Variants in DLGAP1 observed in about 807,000 individuals in gnomAD.
The protein encoded by DLGAP1 is disks large-associated protein 1.
Under a neutral mutation model 90.8 loss-of-function variants are expected in DLGAP1, and 11 were observed. That is an observed-to-expected ratio of 0.12 (90% CI 0.08 to 0.20). The LOEUF (loss-of-function observed/expected upper bound fraction) is 0.20, where lower values mean the gene tolerates loss of function less well. DLGAP1 is among the 10% of genes least tolerant of loss of function. DLGAP1 has a pLI of 1.00. For synonymous variants in DLGAP1, 558 were observed against 540.7 expected, an observed-to-expected ratio of 1.03 and a Z score of -0.44; for missense variants, 1,050 against 1,333.8, an observed-to-expected ratio of 0.79 and a Z score of 3.31.
chr18:3,621,926 A>C (rs2058107737), intron 7 of DLGAP1, among the ~76,000 whole-genome samples: 1 of 152,060 alleles, frequency 6.6e-6, no homozygotes, highest in Admixed American at 6.6e-5. Context: ...TGATTACACC[A>C]CTGCACTCCA....
At chr18:3,587,025 T>C (rs1202541615) in intron 7 of DLGAP1, among the ~76,000 whole-genome samples, 3 of 152,206 alleles carry the variant, frequency 2.0e-5, no homozygotes, top group South Asian at 4.1e-4. Context: ...GCAGTTTCTA[T>C]ACAGTAAGTG....
In DLGAP1 at chr18:3,946,027, A is replaced by G. The variant is rs2072871581; in HGVS notation, c.-73+59089T>C. Among the ~76,000 whole-genome samples the G allele has an allele frequency of 2.6e-5, 4 of 152,146 alleles. No homozygotes were observed. In the South Asian group the frequency reaches 8.3e-4, roughly 32 times the overall value. On this transcript the variant is annotated intron_variant, in intron 3 of 12. Transcript: ENST00000315677. ...GCTTGAATTTTAATAATGCTTAATA[A>G]GTGGTTTTTGATTTTGGTAGAAAGC...
intron 12 of DLGAP1, among the ~76,000 whole-genome samples, chr18:3,500,372 G>A (rs940832232): frequency 2.0e-5 from 3 of 152,134 alleles, no homozygotes; most frequent in African/African-American, 7.2e-5. Context: ...TAAAACTGAT[G>A]TTTTCATTTT....
intron 1 of DLGAP1, among the ~76,000 whole-genome samples, chr18:4,428,945 T>G (rs1429906532): frequency 6.6e-6 from 1 of 152,148 alleles, no homozygotes; most frequent in African/African-American, 2.4e-5. Flanking sequence ...CAATCTATAA[T>G]GTAAGCCGGG....
chr18:3,819,603 CTTATGATCCTT>C (rs1221151029), intron 4 of DLGAP1, among the ~76,000 whole-genome samples: 1 of 152,088 alleles, frequency 6.6e-6, no homozygotes, highest in Admixed American at 6.6e-5. Flanking sequence ...CACATAATGT[CTTATGATCCTT>C]ACAACTATCA....
chr18:3,707,556 CGCCACTGCACTCCA>C (rs1377601497), intron 7 of DLGAP1, among the ~76,000 whole-genome samples: 2 of 151,298 alleles, frequency 1.3e-5, no homozygotes, highest in Non-Finnish European at 2.9e-5. Context: ...GCCGAGATCA[CGCCACTGCACTCCA>C]GCCTGGGTGA....
chr18:4,029,633 T>G (rs2074760454), intron 2 of DLGAP1, among the ~76,000 whole-genome samples: 1 of 152,202 alleles, frequency 6.6e-6, no homozygotes, highest in Non-Finnish European at 1.5e-5. Flanking sequence ...CCCACACAGG[T>G]GGATATACCA....
chr18:3,790,026 CA>C (rs2065651791), intron 5 of DLGAP1, among the ~76,000 whole-genome samples: 3 of 152,128 alleles, frequency 2.0e-5, no homozygotes, highest in Admixed American at 2.0e-4. Flanking sequence ...TCATGGCTTT[CA>C]AATATCAACT....
chr18:3,910,987 C>T (rs575326778), intron 3 of DLGAP1, among the ~76,000 whole-genome samples: 4 of 152,090 alleles, frequency 2.6e-5, no homozygotes, highest in Non-Finnish European at 5.9e-5. Flanking sequence ...TTTTGGCCCA[C>T]GAACTGCTGG....
chr18:4,144,313 TAGGAC>T (rs2076545489), intron 2 of DLGAP1, among the ~76,000 whole-genome samples: 3 of 152,174 alleles, frequency 2.0e-5, no homozygotes, highest in Admixed American at 2.0e-4. Context: ...CCCCTCTGGC[TAGGAC>T]TAGTCTAAGT....
At chr18:3,812,299 A>C (rs2066883478) in intron 5 of DLGAP1, among the ~76,000 whole-genome samples, 1 of 151,996 alleles carries the variant, frequency 6.6e-6, no homozygotes, top group Non-Finnish European at 1.5e-5. Context: ...CAGTTCTTCT[A>C]ATTTAATTTT....
At chr18:3,890,793 A>G (rs1367083181) in intron 3 of DLGAP1, among the ~76,000 whole-genome samples, 1 of 152,164 alleles carries the variant, frequency 6.6e-6, no homozygotes, top group Non-Finnish European at 1.5e-5. Flanking sequence ...CATTGGCATA[A>G]TCATGGCTCA....
chr18:4,139,697 C>A (rs188642095), intron 2 of DLGAP1, among the ~76,000 whole-genome samples: 1 of 151,832 alleles, frequency 6.6e-6, no homozygotes, highest in Non-Finnish European at 1.5e-5. Flanking sequence ...ATGATCTGTC[C>A]AATGCTGAAA....
intron 1 of DLGAP1, among the ~76,000 whole-genome samples, chr18:4,346,381 T>C (rs1363444805): frequency 6.6e-6 from 1 of 152,098 alleles, no homozygotes; most frequent in East Asian, 1.9e-4. Flanking sequence ...AGAAATAAGG[T>C]ATTACTACCA....
Position 3,534,555 on chromosome 18 carries a change from G to A in DLGAP1, c.2118C>T (p.Phe706=), listed in dbSNP as rs1182266636. 6.2e-7 allele frequency: 1 copy of A among 1,613,460 alleles called. No homozygotes were observed. Among genetic ancestry groups the A allele is most frequent in the Non-Finnish European group, 8.5e-7 (1 of 1,179,698 alleles). The change falls in exon 10 of 13, where the codon TTC becomes TTT. Residue 706 remains phenylalanine (F), a synonymous_variant. Coordinates refer to ENST00000315677, the MANE Select transcript of DLGAP1 (RefSeq NM_004746.4). Reference sequence around the variant, plus strand: ...CCAGAGAATTTTCCAGATTATCATGGAAGTCCAGGTCGGCCTGTACTGCTG... The same window carrying A: ...CCAGAGAATTTTCCAGATTATCATGAAAGTCCAGGTCGGCCTGTACTGCTG... ...VTTAVQADLD[F]HDNLENSLES...
chr18:3,534,201 G>C lies in DLGAP1; in HGVS notation c.2472C>G (p.Pro824=), dbSNP rs73939849. The C allele has an allele frequency of 9.3e-6, 15 of 1,612,764 alleles. No homozygotes were observed. Among genetic ancestry groups the C allele is most frequent in the South Asian group, 1.1e-5 (1 of 90,880 alleles). The stretch of plus-strand genomic sequence containing the variant: ...CGTGGTGGCATTACTTACTGTCTTC[G>C]GGCAGGTTGTTTTCCCGTTCTTCCC... The part of the protein sequence containing the change: ...MEREERENNL[P]EDILGKIRTA... The change falls in exon 10 of 13, where the codon CCC becomes CCG. Residue 824 remains proline, a synonymous_variant. Coordinates refer to ENST00000315677, the MANE Select transcript of DLGAP1 (RefSeq NM_004746.4).
At chr18:3,522,135 C>CTTT (rs11374414) in intron 10 of DLGAP1, among the ~76,000 whole-genome samples, 37 of 98,214 alleles carry the variant, frequency 3.8e-4, no homozygotes, top group Admixed American at 6.7e-4. Context: ...TTCTTTCTTG[C>CTTT]TTTTTTTTTT....
intron 7 of DLGAP1, among the ~76,000 whole-genome samples, chr18:3,602,590 G>A (rs1469991532): frequency 1.4e-4 from 12 of 87,520 alleles, no homozygotes; most frequent in Admixed American, 1.3e-3. Flanking sequence ...GCGAGACTCC[G>A]TCCAAAAAAA....
chr18:3,849,699 T>A (rs1051783677), intron 4 of DLGAP1, among the ~76,000 whole-genome samples: 1 of 152,184 alleles, frequency 6.6e-6, no homozygotes, highest in Non-Finnish European at 1.5e-5. Context: ...ATTTGTGTGA[T>A]TGATTTGAGA....
Sources: allele counts gnomAD v4.1 joint callset (sites outside exome capture counted in the v4.1 genomes callset), GRCh38; gene constraint gnomAD v4.1.1; transcripts MANE v1.5; gene names NCBI Gene and HGNC (gene_info 2026-07-23, HGNC 2026-07-21).